The following XPO4 variants were observed in gnomAD, a reference collection of about 807,000 sequenced individuals.
XPO4 encodes the protein exportin-4.
XPO4 carries 39 observed loss-of-function variants against 143.0 expected under a neutral mutation model. The ratio of observed to expected loss-of-function variants is 0.27; its 90% CI spans 0.21 to 0.36. The LOEUF (loss-of-function observed/expected upper bound fraction) is 0.36. XPO4 is among the 10% of genes least tolerant of loss of function. XPO4 has a pLI of 1.00. For synonymous variants in XPO4, 439 were observed against 474.0 expected (o/e 0.93, Z 0.96); for missense variants, 907 against 1,348.0 (o/e 0.67, Z 5.12).
intron 1 of XPO4, among the ~76,000 whole-genome samples, chr13:20,892,721 A>G (rs2060529686): frequency 1.3e-5 from 2 of 151,514 alleles, no homozygotes; most frequent in Admixed American, 1.3e-4. Flanking sequence ...TCGTCTCTAC[A>G]AAAACATTGT....
At position 20,821,849 on chromosome 13, in the gene XPO4, C is replaced by G; in HGVS notation, c.1028G>C (p.Gly343Ala). Residue 343 changes from glycine to alanine, a missense_variant, in exon 9 of 23, where the codon GGG becomes GCG. Coordinates refer to ENST00000255305, the MANE Select transcript of XPO4 (RefSeq NM_022459.5). ...GIEIEDSEAVGISSIISNLIT... is the reference protein window; with the variant it reads ...GIEIEDSEAVAISSIISNLIT... ...CAGGTTGCTGATAATGCTGGAGATC[C>G]CCACAGCTTCAGAATCTTCTATTTC... 6.2e-7 allele frequency: 1 copy of G among 1,613,594 alleles called. No individual in the cohort carries two copies. The highest frequency in any genetic ancestry group is 2.2e-5 in the East Asian group (1 of 44,840).
chr13:20,843,619 T>C (rs2060000285), intron 5 of XPO4, 151 bp downstream of exon 5: 2 of 598,494 alleles, frequency 3.3e-6, no homozygotes, highest in Non-Finnish European at 5.8e-6. Context: ...AAACCTATCA[T>C]TTTACTATAT....
At chr13:20,852,425 A>G in intron 4 of XPO4, 1 of 985,414 alleles carries the variant, frequency 1.0e-6, no homozygotes, top group Non-Finnish European at 1.2e-6. Flanking sequence ...CTTTTTCCCC[A>G]GGCTATCGAT....
At chr13:20,901,411 A>G (rs1197806853) in intron 1 of XPO4, among the ~76,000 whole-genome samples, 1 of 152,180 alleles carries the variant, frequency 6.6e-6, no homozygotes, top group Non-Finnish European at 1.5e-5. Flanking sequence ...CGGAGCCCCT[A>G]GCTCCTAGGA....
intron 10 of XPO4, 62 bp from the exon 11 acceptor site, chr13:20,809,287 G>A: frequency 6.4e-7 from 1 of 1,566,348 alleles, no homozygotes; most frequent in South Asian, 1.2e-5. Flanking sequence ...GTGCACTTCT[G>A]TGGCTCCATA....
chr13:20,901,334 T>C (rs1220341597), intron 1 of XPO4, among the ~76,000 whole-genome samples: 1 of 152,220 alleles, frequency 6.6e-6, no homozygotes, highest in Non-Finnish European at 1.5e-5. Flanking sequence ...ACACTGATTT[T>C]ACCTGATCAG....
At chr13:20,807,694 C>A in intron 12 of XPO4, 60 bp from the exon 13 acceptor site, 1 of 1,291,510 alleles carries the variant, frequency 7.7e-7, no homozygotes, top group Non-Finnish European at 1.0e-6. Context: ...TCAAATTGTA[C>A]TATAAATGTT....
In XPO4 at chr13:20,821,770, G is replaced by A. The variant is rs924201661; in HGVS notation, c.1107C>T (p.Ser369=). 5.0e-6 allele frequency: 8 copies of A among 1,613,960 alleles called. No homozygotes were observed. In the African/African-American group the frequency reaches 9.3e-5, roughly 19 times the overall value. The part of the protein sequence containing the change: ...VLTAIPSELF[S]SFVNCLTHLT... ...GGTGTGTGAGGCAGTTAACAAAGGA[G>A]GAGAAAAGTTCACTTGGAATGGCAG... Residue 369 remains serine, a synonymous_variant, in exon 9 of 23, where the codon TCC becomes TCT. Coordinates refer to ENST00000255305, the MANE Select transcript of XPO4 (RefSeq NM_022459.5).
rs1924598 is a variant in XPO4, at chr13:20,853,014, C to T, written c.456+2613G>A. 4.9e-3 allele frequency: 4,858 copies of T among 985,236 alleles called. 179 individuals carry two copies. In the African/African-American group the frequency reaches 0.076, roughly 15 times the overall value. The allele number at this position is 985,236 out of a possible 1,614,324, so 61.0% of individuals were successfully genotyped here. ...GAAATGGAGACTATATCTACTACCA[C>T]AATTTATATTACTCTAAGTAAAAAT... On this transcript the variant is annotated intron_variant, in intron 4 of 22. Transcript: ENST00000255305.
At chr13:20,844,368 T>C (rs2060009192) in intron 4 of XPO4, among the ~76,000 whole-genome samples, 1 of 152,196 alleles carries the variant, frequency 6.6e-6, no homozygotes, top group South Asian at 2.1e-4. Flanking sequence ...ACAGATTTTA[T>C]AGTGTCCAAA....
intron 1 of XPO4, among the ~76,000 whole-genome samples, chr13:20,869,039 C>T (rs117768729): frequency 0.049 from 7,523 of 152,126 alleles, 266 homozygotes; most frequent in Non-Finnish European, 0.076. Flanking sequence ...CCAAAATATA[C>T]CACTTGGACT....
chr13:20,901,912 C>CT (rs1243773269), intron 1 of XPO4, among the ~76,000 whole-genome samples: 1 of 152,210 alleles, frequency 6.6e-6, no homozygotes, highest in African/African-American at 2.4e-5. Context: ...GTAGTTTATC[C>CT]TTACTTCTCC....
At chr13:20,838,629 A>AG (rs2059943359) in intron 6 of XPO4, among the ~76,000 whole-genome samples, 4 of 137,766 alleles carry the variant, frequency 2.9e-5, no homozygotes, top group African/African-American at 8.0e-5. Context: ...AAAAAAAAAA[A>AG]GAAAGAAATT....
At chr13:20,839,887 G>T (rs1195633711) in intron 6 of XPO4, among the ~76,000 whole-genome samples, 1 of 152,068 alleles carries the variant, frequency 6.6e-6, no homozygotes, top group Non-Finnish European at 1.5e-5. Context: ...GATGGCTGAG[G>T]CATGAGAATC....
chr13:20,793,075 C>T (rs1011564339), intron 18 of XPO4, among the ~76,000 whole-genome samples: 1 of 152,198 alleles, frequency 6.6e-6, no homozygotes, highest in Non-Finnish European at 1.5e-5. Context: ...CAGGCGTGAG[C>T]CACCACACCC....
chr13:20,874,740 T>C (rs1198818760), intron 1 of XPO4, among the ~76,000 whole-genome samples: 1 of 152,192 alleles, frequency 6.6e-6, no homozygotes, highest in East Asian at 1.9e-4. Flanking sequence ...ACGCCTGTAA[T>C]CCTAGCACTT....
In XPO4 at chr13:20,809,110, G is replaced by A. The variant is rs979732220; in HGVS notation, c.1466C>T (p.Ala489Val). The change falls in exon 11 of 23, where the codon GCA (alanine) becomes GTA (valine). Residue 489 changes from alanine to valine, a missense_variant. Ala to Val is a moderately conservative substitution (Grantham distance 64, BLOSUM62 0). Coordinates refer to ENST00000255305, the MANE Select transcript of XPO4 (RefSeq NM_022459.5). ...ASVGMLGRIA[A>V]EHCIPLLTSL... The stretch of plus-strand genomic sequence containing the variant: ...TGTCAGAAGAGGTATACAGTGTTCT[G>A]CAGCAATTCTTCCTAGCATTCCTAC... 5 of 1,613,810 alleles carry A rather than the reference G, an allele frequency of 3.1e-6. No individual in the cohort carries two copies. In the East Asian group the frequency reaches 1.1e-4, roughly 36 times the overall value.
intron 4 of XPO4, chr13:20,852,606 A>G: frequency 1.0e-6 from 1 of 962,314 alleles, no homozygotes; most frequent in Non-Finnish European, 1.2e-6. Context: ...GTATATTTGA[A>G]TATTATGGTA....
chr13:20,863,135 C>A, intron 2 of XPO4: 1 of 1,090,958 alleles, frequency 9.2e-7, no homozygotes, highest in Non-Finnish European at 1.1e-6. Context: ...TAAAAAATAA[C>A]ACAGCTTTAA....
Sources: gnomAD v4.1 joint callset for allele counts (sites outside exome capture counted in the v4.1 genomes callset) on GRCh38, gnomAD v4.1.1 for gene constraint, MANE v1.5 for transcripts, NCBI Gene and HGNC (gene_info 2026-07-23, HGNC 2026-07-21) for gene names.